ZNF43: variants seen among roughly 807,000 people sequenced by gnomAD.
ZNF43 encodes zinc finger protein 43.
A neutral mutation model predicts 68.4 loss-of-function variants in ZNF43; 44 were observed. The observed-to-expected ratio is 0.64, with a 90% CI of 0.51 to 0.83. ZNF43 has a LOEUF of 0.83. ZNF43 is among the 40% of genes least tolerant of loss of function. ZNF43 has a pLI of 0.00. For missense variants in ZNF43, 896 were observed against 933.2 expected (o/e 0.96, Z 0.52); for synonymous variants, 308 against 307.8 (o/e 1.00, Z -0.01).
upstream of ZNF43, chr19:21,836,240 G>A: frequency 1.4e-6 from 2 of 1,400,522 alleles, no homozygotes; most frequent in South Asian, 3.1e-5. Flanking sequence ...TGCCTGATTG[G>A]ACGGTTTCCA....
rs114622762 is a variant in ZNF43, at chr19:21,824,189, A to G, written c.4-4968T>C. Among the ~76,000 whole-genome samples, 837 of 152,292 alleles carry G rather than the reference A, an allele frequency of 5.5e-3. 5 individuals carry two copies. Among genetic ancestry groups the G allele is most frequent in the African/African-American group, 0.019 (806 of 41,576 alleles). ...GCGACAGTGAGACTCTGTCTCAAAA[A>G]AAGAAAATAGAACTGCCCTGGTAGA... is the stretch of plus-strand genomic sequence containing the variant. On this transcript the variant is annotated intron_variant, in intron 1 of 3. Coordinates refer to ENST00000354959, the MANE Select transcript of ZNF43 (RefSeq NM_003423.4).
At chr19:21,835,904 T>C (rs2038699437) in intron 1 of ZNF43, 132 bp downstream of exon 1, 2 of 1,492,466 alleles carry the variant, frequency 1.3e-6, no homozygotes, top group Non-Finnish European at 9.2e-7. Flanking sequence ...GCCGCCATCT[T>C]ATGGCTGAAG....
intron 3 of ZNF43, among the ~76,000 whole-genome samples, chr19:21,810,382 G>C (rs1384943681): frequency 6.6e-6 from 1 of 152,156 alleles, no homozygotes; most frequent in Non-Finnish European, 1.5e-5. Flanking sequence ...TGAATTAACA[G>C]AGTGTAAACT....
At chr19:21,817,293 G>A (rs890374850) in intron 3 of ZNF43, among the ~76,000 whole-genome samples, 1 of 150,756 alleles carries the variant, frequency 6.6e-6, no homozygotes, top group Non-Finnish European at 1.5e-5. Flanking sequence ...CAAAATTCCA[G>A]TGGGATTTTT....
In ZNF43 at chr19:21,808,633, GTT is replaced by G. The variant is rs769385499; in HGVS notation, c.1402_1403del (p.Asn468ProfsTer5). On this transcript the variant is annotated frameshift_variant, in exon 4 of 4. Coordinates refer to ENST00000354959, the MANE Select transcript of ZNF43 (RefSeq NM_003423.4). LOFTEE classifies it high-confidence loss of function. The stretch of plus-strand genomic sequence containing the variant: ...TATGAATTCTCTTATGTGTAGTAAG[GTT>G]TGAGAACTGGTTAAAGGCTTTGCCA... ...VCGKAFNQFSNLTTHKRIHTA... is the reference protein window; with the variant it reads ...VCGKAFNQFSXLTTHKRIHTA... The G allele has an allele frequency of 6.2e-7, 1 of 1,613,204 alleles. No homozygotes were observed. The highest frequency in any genetic ancestry group is 1.1e-5 in the South Asian group (1 of 91,034).
chr19:21,847,635 T>C (rs943754804), intron 1 of ZNF43, among the ~76,000 whole-genome samples: 1 of 151,756 alleles, frequency 6.6e-6, no homozygotes, highest in East Asian at 2.0e-4. Flanking sequence ...AGGCGGAGGT[T>C]GCAGTAAGCC....
upstream of ZNF43, among the ~76,000 whole-genome samples, chr19:21,839,331 C>CAAAAAAAAAAAA (rs61335194): frequency 3.9e-4 from 11 of 28,280 alleles, no homozygotes; most frequent in Non-Finnish European, 4.9e-4. Context: ...AGAGATCAGG[C>CAAAAAAAAAAAA]AAAAAAAAAA....
chr19:21,825,392 G>A (rs181042727), intron 1 of ZNF43, among the ~76,000 whole-genome samples: 46 of 152,314 alleles, frequency 3.0e-4, no homozygotes, highest in African/African-American at 1.0e-3. Flanking sequence ...ATAGCTACTT[G>A]TGGCAATAGC....
At position 21,818,612 on chromosome 19, in the gene ZNF43, G is replaced by A. The variant is rs866727456; in HGVS notation, c.130+483C>T. On this transcript the variant is annotated intron_variant, in intron 2 of 3. Transcript: ENST00000354959. Reference sequence around the variant, plus strand: ...ATTTTTGCATTTTTAGTAGAGATGCGGTTTTGCCATGTTGGTCAGGCTGGT... The same window carrying A: ...ATTTTTGCATTTTTAGTAGAGATGCAGTTTTGCCATGTTGGTCAGGCTGGT... Among the ~76,000 whole-genome samples, 104 of 151,976 alleles carry A rather than the reference G, an allele frequency of 6.8e-4. No individual in the cohort carries two copies. The Middle Eastern group carries it at 0.01, about 15-fold the overall frequency.
intron 1 of ZNF43, among the ~76,000 whole-genome samples, chr19:21,834,441 A>G (rs963180950): frequency 4.6e-5 from 7 of 152,222 alleles, no homozygotes; most frequent in African/African-American, 1.7e-4. Context: ...TTTCTTTTCA[A>G]TATGGAAAAT....
In ZNF43 at chr19:21,814,967, C is replaced by T. The variant is rs140186997; in HGVS notation, c.229+2921G>A. ...CTTTGGGAGGCCGAGGCAGGCGGAT[C>T]ACCTGAGGTCAGAAATTCAAGACCA... On this transcript the variant is annotated intron_variant, in intron 3 of 3. Coordinates refer to ENST00000354959, the MANE Select transcript of ZNF43 (RefSeq NM_003423.4). 2.6e-3 allele frequency among the ~76,000 whole-genome samples: 398 copies of T among 151,976 alleles called. 2 individuals are homozygous for T. Among genetic ancestry groups the T allele is most frequent in the African/African-American group, 9.4e-3 (390 of 41,478 alleles).
Position 21,818,244 on chromosome 19 carries a change from A to G in ZNF43, c.131-258T>C, listed in dbSNP as rs187280558. Among the ~76,000 whole-genome samples, 56 of 152,026 alleles carry G rather than the reference A, an allele frequency of 3.7e-4. 1 individual carries two copies. In the East Asian group the frequency reaches 0.01, roughly 27 times the overall value. The stretch of plus-strand genomic sequence containing the variant: ...CAGTCTCCCAAGTAGTTGGGATTAC[A>G]AGCGTGTGCCACCATGCCTGATTAA... On this transcript the variant is annotated intron_variant, in intron 2 of 3. Transcript: ENST00000354959.
chr19:21,811,543 A>AC (rs1029159339), intron 3 of ZNF43, among the ~76,000 whole-genome samples: 1 of 151,734 alleles, frequency 6.6e-6, no homozygotes, highest in African/African-American at 2.4e-5. Context: ...TCTAAAAAAA[A>AC]AAACAAAAAA....
At chr19:21,844,921 A>AATAT (rs1181354510) in intron 1 of ZNF43, among the ~76,000 whole-genome samples, 1,651 of 25,974 alleles carry the variant, frequency 0.064, 93 homozygotes, top group East Asian at 0.1. Context: ...AAAAAAAAAA[A>AATAT]ATATATATAT....
At chr19:21,828,950 G>C (rs1290459826) in intron 1 of ZNF43, among the ~76,000 whole-genome samples, 1 of 143,468 alleles carries the variant, frequency 7.0e-6, no homozygotes, top group Non-Finnish European at 1.5e-5. Context: ...GGAGAATGGC[G>C]TGAACCAGGG....
intron 1 of ZNF43, among the ~76,000 whole-genome samples, chr19:21,823,734 AT>A (rs751895425): frequency 6.6e-6 from 1 of 151,790 alleles, no homozygotes; most frequent in Non-Finnish European, 1.5e-5. Flanking sequence ...CACCTGGCTA[AT>A]TTTTTTTGTA....
intron 3 of ZNF43, among the ~76,000 whole-genome samples, chr19:21,810,138 T>G (rs77216709): frequency 0.04 from 6,066 of 152,264 alleles, 199 homozygotes; most frequent in South Asian, 0.15. Context: ...CCAACTCCAA[T>G]TATTTTGCAT....
intron 1 of ZNF43, among the ~76,000 whole-genome samples, chr19:21,842,345 G>A (rs1453157557): frequency 6.7e-6 from 1 of 150,296 alleles, no homozygotes; most frequent in Non-Finnish European, 1.5e-5. Flanking sequence ...GGAGGCAGAG[G>A]TTGCAGTGAG....
intron 1 of ZNF43, among the ~76,000 whole-genome samples, chr19:21,824,843 T>C (rs2038037396): frequency 6.6e-6 from 1 of 151,402 alleles, no homozygotes; most frequent in Non-Finnish European, 1.5e-5. Context: ...CTGGGAGCAA[T>C]GATTCAAGTT....
Sources: gnomAD v4.1 joint callset for allele counts (sites outside exome capture counted in the v4.1 genomes callset) on GRCh38, gnomAD v4.1.1 for gene constraint, MANE v1.5 for transcripts, NCBI Gene and HGNC (gene_info 2026-07-23, HGNC 2026-07-21) for gene names.